Variants in MCM10 observed in about 807,000 individuals in gnomAD.
MCM10 encodes minichromosome maintenance 10 replication initiation factor.
Under a neutral mutation model 109.9 loss-of-function variants are expected in MCM10, and 91 were observed. The observed-to-expected ratio is 0.83, with a 90% confidence interval of 0.70 to 0.99. The LOEUF is 0.99. MCM10 is among the 50% of genes least tolerant of loss of function. MCM10 has a pLI of 0.00. For missense variants in MCM10, 1,077 were observed against 1,061.2 expected, an observed-to-expected ratio of 1.01 and a Z score of -0.21; for synonymous variants, 380 against 387.2, an observed-to-expected ratio of 0.98 and a Z score of 0.22.
In MCM10 at chr10:13,195,157, C is replaced by T. The variant is rs1834399743; in HGVS notation, c.1862C>T (p.Ala621Val). 1.2e-6 allele frequency: 2 copies of T among 1,614,064 alleles called. No individual in the cohort carries two copies. The highest frequency in any genetic ancestry group is 2.2e-5 in the South Asian group (2 of 91,072). ...SEFPRLEGAPATMTPKLGRGV... is the reference protein window; with the variant it reads ...SEFPRLEGAPVTMTPKLGRGV... The stretch of plus-strand genomic sequence containing the variant: ...TTCCCCAGGCTGGAGGGAGCCCCGG[C>T]CACAATGACGCCCAAGCTGGGGCGA... Residue 621 changes from alanine to valine, a missense_variant, in exon 14 of 20, where the codon GCC becomes GTC. Ala to Val is a moderately conservative substitution (Grantham distance 64, BLOSUM62 0). Coordinates refer to ENST00000378714, the MANE Select transcript of MCM10 (RefSeq NM_018518.5).
intron 9 of MCM10, among the ~76,000 whole-genome samples, chr10:13,187,560 C>T (rs2131575675): frequency 6.6e-6 from 1 of 152,284 alleles, no homozygotes; most frequent in South Asian, 2.1e-4. Flanking sequence ...AGACTGGTTT[C>T]CCAAGTGGCC....
At chr10:13,193,566 G>A (rs531885820) in intron 13 of MCM10, among the ~76,000 whole-genome samples, 2 of 152,256 alleles carry the variant, frequency 1.3e-5, no homozygotes, top group African/African-American at 2.4e-5. Context: ...TTGCCATCCC[G>A]AATCTGGGCT....
At chr10:13,207,996 C>T (rs12777642) in intron 18 of MCM10, among the ~76,000 whole-genome samples, 18,774 of 140,866 alleles carry the variant, frequency 0.13, 1,455 homozygotes, top group Middle Eastern at 0.22. Context: ...CTCTTTCTCT[C>T]TCTTTTTCCC....
Position 13,209,391 on chromosome 10 carries a change from T to A in MCM10, c.*81T>A. 9.1e-7 allele frequency: 1 copy of A among 1,096,750 alleles called. No individual in the cohort carries two copies. The highest frequency in any genetic ancestry group is 1.4e-6 in the Non-Finnish European group (1 of 728,408). The allele number at this position is 1,096,750 out of a possible 1,614,324, so 67.9% of individuals were successfully genotyped here. A position where few individuals can be genotyped will look rare whatever the true frequency, so the allele number is the denominator to read the frequency against. On this transcript the variant is annotated 3_prime_UTR_variant, in exon 20 of 20. Coordinates refer to ENST00000378714, the MANE Select transcript of MCM10 (RefSeq NM_018518.5). ...CAAAGGATTGGCTGTGTATTGTCCA[T>A]TGATTCCTGATTGACGCCGTCAAAA...
intron 10 of MCM10, among the ~76,000 whole-genome samples, chr10:13,190,481 T>A (rs894789981): frequency 2.0e-5 from 3 of 152,020 alleles, no homozygotes; most frequent in Non-Finnish European, 4.4e-5. Flanking sequence ...CCCAGGAATT[T>A]GAGACCCGCC....
At position 13,164,206 on chromosome 10, in the gene MCM10, G is replaced by T; in HGVS notation, c.4G>T (p.Asp2Tyr). Residue 2 changes from aspartate to tyrosine, a missense_variant, in exon 2 of 20, where the codon GAT (aspartate) becomes TAT (tyrosine). Transcript: ENST00000378714. M[D>Y]EEEDNLSLLT... ...TCACAACTGTCCTCTTGACAGCATG[G>T]ATGGTAAGACCTGGCAGTTTTCTGT... 1 of 1,597,810 alleles carries T rather than the reference G, an allele frequency of 6.3e-7. No individual in the cohort carries two copies. The highest frequency in any genetic ancestry group is 8.5e-7 in the Non-Finnish European group (1 of 1,175,520).
At chr10:13,187,432 T>C (rs754545193) in intron 9 of MCM10, among the ~76,000 whole-genome samples, 3 of 152,264 alleles carry the variant, frequency 2.0e-5, no homozygotes, top group Non-Finnish European at 4.4e-5. Flanking sequence ...ATAATGCTGC[T>C]AAAACACTCA....
intron 14 of MCM10, 142 bp from the exon 15 acceptor site, chr10:13,197,480 TA>T: frequency 1.6e-6 from 1 of 640,224 alleles, no homozygotes; most frequent in Non-Finnish European, 2.7e-6. Flanking sequence ...TTAATAATAC[TA>T]AGTAAAATTA....
At chr10:13,183,490 A>AGGGC (rs1644957327) in intron 8 of MCM10, among the ~76,000 whole-genome samples, 1 of 152,210 alleles carries the variant, frequency 6.6e-6, no homozygotes, top group African/African-American at 2.4e-5. Context: ...CCTCCAGAAA[A>AGGGC]TAAGTCATGC....
In MCM10 at chr10:13,201,546, T is replaced by TG; in HGVS notation, c.2352+17dup. 1.3e-6 allele frequency: 2 copies of TG among 1,592,508 alleles called. No individual in the cohort carries two copies. The highest frequency in any genetic ancestry group is 1.7e-6 in the Non-Finnish European group (2 of 1,166,862). On this transcript the variant is annotated intron_variant, in intron 17 of 19. Transcript: ENST00000378714. ...TGACATGCAAGACGGTGGGTGAAGG[T>TG]GGGGGCTGCAGCAACCCATGGGCCC... is the stretch of plus-strand genomic sequence containing the variant.
intron 3 of MCM10, among the ~76,000 whole-genome samples, chr10:13,171,773 T>C (rs1164460406): frequency 6.6e-6 from 1 of 151,996 alleles, no homozygotes; most frequent in Admixed American, 6.6e-5. Context: ...TATAATTTTT[T>C]TTTTTTTCCG....
At chr10:13,205,195 C>T (rs77848796) in intron 18 of MCM10, among the ~76,000 whole-genome samples, 3,215 of 151,988 alleles carry the variant, frequency 0.021, 93 homozygotes, top group African/African-American at 0.06. Context: ...TCCCTCGCCC[C>T]CTCCCACCCT....
At chr10:13,162,239 G>T (rs966431111) in intron 1 of MCM10, among the ~76,000 whole-genome samples, 4 of 152,196 alleles carry the variant, frequency 2.6e-5, no homozygotes, top group African/African-American at 9.7e-5. Flanking sequence ...GGTAGAATTG[G>T]ACGTGGTGGA....
intron 9 of MCM10, among the ~76,000 whole-genome samples, chr10:13,186,970 C>A (rs932738332): frequency 1.3e-5 from 2 of 152,058 alleles, no homozygotes; most frequent in African/African-American, 4.8e-5. Flanking sequence ...CCAGCCTGGG[C>A]GATAGAGTGA....
rs1716049383 is a variant in MCM10 at position 13,195,184 on chromosome 10, G to A, written c.1889G>A (p.Gly630Asp). 6.2e-7 allele frequency: 1 copy of A among 1,613,918 alleles called. No homozygotes were observed. Among genetic ancestry groups the A allele is most frequent in the African/African-American group, 1.3e-5 (1 of 75,016 alleles). ...PATMTPKLGR[G>D]VLEGDDVLFY... ...ACAATGACGCCCAAGCTGGGGCGAGGTGTCTTGGAAGGAGATGATGTTCTC... is the reference window on the plus strand; with the variant it reads ...ACAATGACGCCCAAGCTGGGGCGAGATGTCTTGGAAGGAGATGATGTTCTC... Residue 630 changes from glycine (G) to aspartate (D), a missense_variant, in exon 14 of 20, where the codon GGT becomes GAT. By Grantham distance (94) the Gly-to-Asp change is moderately conservative. Coordinates refer to ENST00000378714, the MANE Select transcript of MCM10 (RefSeq NM_018518.5).
intron 2 of MCM10, among the ~76,000 whole-genome samples, chr10:13,166,806 G>C (rs1165212950): frequency 6.6e-6 from 1 of 151,764 alleles, no homozygotes; most frequent in African/African-American, 2.4e-5. Context: ...TCTTTAAGCA[G>C]TGCTGAATGC....
intron 11 of MCM10, 65 bp from the exon 12 acceptor site, chr10:13,192,190 G>A (rs986970464): frequency 1.2e-5 from 12 of 988,154 alleles, no homozygotes; most frequent in Non-Finnish European, 1.6e-5. Flanking sequence ...TTAGAAAGTG[G>A]TATGTCATAT....
chr10:13,186,340 T>A, intron 9 of MCM10, 60 bp downstream of exon 9: 1 of 1,161,592 alleles, frequency 8.6e-7, no homozygotes, highest in Non-Finnish European at 1.3e-6. Context: ...AGGAATAAAC[T>A]GTTGGTGCTT....
At chr10:13,185,104 A>C (rs575880115) in intron 8 of MCM10, among the ~76,000 whole-genome samples, 2 of 152,276 alleles carry the variant, frequency 1.3e-5, no homozygotes, top group Admixed American at 6.5e-5. Flanking sequence ...GCGAGACTCC[A>C]CAGAAGCCTA....
Sources: allele counts gnomAD v4.1 joint callset (sites outside exome capture counted in the v4.1 genomes callset), GRCh38; gene constraint gnomAD v4.1.1; transcripts MANE v1.5; gene names NCBI Gene and HGNC (gene_info 2026-07-23, HGNC 2026-07-21).